AGAP1: variants seen among roughly 807,000 people sequenced by gnomAD.
AGAP1 encodes the protein arf-GAP with GTPase, ANK repeat and PH domain-containing protein 1.
A neutral mutation model predicts 105.3 loss-of-function variants in AGAP1; 29 were observed. The observed-to-expected ratio is 0.28, with a 90% CI of 0.21 to 0.38. The LOEUF is 0.38. Ranked by LOEUF, AGAP1 falls within the 10% of genes least tolerant of loss-of-function variation. The pLI, the probability that AGAP1 is intolerant of heterozygous loss-of-function variation, is 1.00. For missense variants in AGAP1, 998 were observed against 1,165.1 expected, an observed-to-expected ratio of 0.86 and a Z score of 2.09; for synonymous variants, 509 against 485.9, an observed-to-expected ratio of 1.05 and a Z score of -0.63.
intron 3 of AGAP1, among the ~76,000 whole-genome samples, chr2:235,718,638 A>C (rs1951234643): frequency 6.6e-6 from 1 of 152,176 alleles, no homozygotes; most frequent in Admixed American, 6.5e-5. Flanking sequence ...TCTTGTCCTG[A>C]ATACTGCGGA....
At chr2:235,862,482 A>G (rs866846566) in intron 9 of AGAP1, among the ~76,000 whole-genome samples, 1 of 152,220 alleles carries the variant, frequency 6.6e-6, no homozygotes, top group African/African-American at 2.4e-5. Flanking sequence ...CATCCGTAGC[A>G]GAGACTGCGT....
intron 1 of AGAP1, among the ~76,000 whole-genome samples, chr2:235,504,306 T>C (rs1228968317): frequency 6.6e-6 from 1 of 152,048 alleles, no homozygotes; most frequent in Non-Finnish European, 1.5e-5. Context: ...CATTTATTGG[T>C]CTCTTCTGCC....
intron 9 of AGAP1, among the ~76,000 whole-genome samples, chr2:235,811,458 G>A (rs1958135871): frequency 6.6e-6 from 1 of 152,368 alleles, no homozygotes; most frequent in African/African-American, 2.4e-5. Flanking sequence ...GAGACGTTGT[G>A]TTGTCTCCTG....
chr2:235,942,415 C>T (rs2053302626), intron 12 of AGAP1, among the ~76,000 whole-genome samples: 1 of 152,148 alleles, frequency 6.6e-6, no homozygotes, highest in African/African-American at 2.4e-5. Flanking sequence ...TGGTGGCTCA[C>T]ACCTGTAATC....
intron 1 of AGAP1, among the ~76,000 whole-genome samples, chr2:235,593,111 C>T (rs1027943507): frequency 9.2e-5 from 14 of 152,068 alleles, no homozygotes; most frequent in Non-Finnish European, 1.8e-4. Context: ...AGGTTGTGGG[C>T]CTGTAATCCT....
intron 12 of AGAP1, among the ~76,000 whole-genome samples, chr2:235,935,826 G>A (rs998610451): frequency 6.6e-6 from 1 of 152,156 alleles, no homozygotes; most frequent in Non-Finnish European, 1.5e-5. Context: ...ATCACTGTGG[G>A]TAGCAGGGGC....
At chr2:235,547,617 C>G (rs1943668805) in intron 1 of AGAP1, among the ~76,000 whole-genome samples, 2 of 152,190 alleles carry the variant, frequency 1.3e-5, no homozygotes, top group Admixed American at 6.5e-5. Flanking sequence ...CCTCGGCCTC[C>G]CAAAATACTG....
rs1950701341 is a variant in AGAP1 at position 235,709,205 on chromosome 2, A to G, written c.190A>G (p.Thr64Ala). Residue 64 changes from threonine to alanine, a missense_variant, in exon 2 of 18, where the codon ACG becomes GCG. This residue lies in a region of AGAP1 where 735 missense variants were observed against 833.4 expected (regional missense o/e 0.88). Transcript: ENST00000304032. Reference sequence around the variant, plus strand: ...TGCCTTCGTGAACAGCCAGGAATGGACGCTGAGTCGATCTGTCCCGGAGCT... The same window carrying G: ...TGCCTTCGTGAACAGCCAGGAATGGGCGCTGAGTCGATCTGTCCCGGAGCT... ...EDAFVNSQEW[T>A]LSRSVPELKV... 1 of 1,614,042 alleles carries G rather than the reference A, an allele frequency of 6.2e-7. No individual in the cohort carries two copies. Among genetic ancestry groups the G allele is most frequent in the Non-Finnish European group, 8.5e-7 (1 of 1,180,008 alleles).
chr2:236,069,248 T>C (rs997530933), intron 16 of AGAP1, among the ~76,000 whole-genome samples: 4 of 152,192 alleles, frequency 2.6e-5, no homozygotes, highest in African/African-American at 9.7e-5. Context: ...CATGATTTTG[T>C]CGTGTACACG....
chr2:235,757,162 A>G (rs983468852), intron 6 of AGAP1, among the ~76,000 whole-genome samples: 5 of 152,214 alleles, frequency 3.3e-5, no homozygotes, highest in Non-Finnish European at 5.9e-5. Flanking sequence ...GTCAAGATCC[A>G]TGTCAAAGAG....
chr2:235,717,821 A>C (rs1461627458), intron 3 of AGAP1, among the ~76,000 whole-genome samples, 177 bp downstream of exon 3: 1 of 152,238 alleles, frequency 6.6e-6, no homozygotes, highest in Non-Finnish European at 1.5e-5. Flanking sequence ...CAAACCCGTT[A>C]TATTCACTTT....
chr2:235,787,874 G>A lies in AGAP1; in HGVS notation c.674-9885G>A, dbSNP rs76670776. ...TGGGACCAAGAGCAAGATCAAGAGC[G>A]TTCTAGACCATGAGCATTCTGGGAC... On this transcript the variant is annotated intron_variant, in intron 6 of 17. Transcript: ENST00000304032. This position sits in a 1 kb window ranked among gnomAD's most constrained non-coding sequence, Gnocchi z 4.4. Among the ~76,000 whole-genome samples, 10 of 84,446 alleles carry A rather than the reference G, an allele frequency of 1.2e-4. No homozygotes were observed. Among genetic ancestry groups the A allele is most frequent in the African/African-American group, 1.5e-4 (4 of 26,620 alleles). 55.4% of individuals were successfully genotyped at this position (84,446 alleles called of 152,430 possible). A position where few individuals can be genotyped will look rare whatever the true frequency, so the allele number is the denominator to read the frequency against.
At chr2:236,081,166 A>G (rs922018578) in intron 16 of AGAP1, among the ~76,000 whole-genome samples, 5 of 152,182 alleles carry the variant, frequency 3.3e-5, no homozygotes, top group African/African-American at 1.2e-4. Flanking sequence ...CGTAGGGTGC[A>G]GACAGAGTTG....
intron 2 of AGAP1, among the ~76,000 whole-genome samples, chr2:235,710,886 T>C (rs915305416): frequency 6.6e-6 from 1 of 152,232 alleles, no homozygotes; most frequent in Non-Finnish European, 1.5e-5. Context: ...GCGCTGGCTC[T>C]GTGCGGGTCG....
At position 235,609,762 on chromosome 2, in the gene AGAP1, C is replaced by G. The variant is rs1388844763; in HGVS notation, c.164-99417C>G. On this transcript the variant is annotated intron_variant, in intron 1 of 17. Coordinates refer to ENST00000304032, the MANE Select transcript of AGAP1 (RefSeq NM_001037131.3). This position sits in a 1 kb window ranked among gnomAD's most constrained non-coding sequence, Gnocchi z 5.1. ...CTGTGGCTCAGAAGTTATGTGGCCA[C>G]TTTCACTCCCAACTCACAGGCCAGA... 6.6e-6 allele frequency among the ~76,000 whole-genome samples: 1 copy of G among 152,044 alleles called. No individual in the cohort carries two copies. The highest frequency in any genetic ancestry group is 1.5e-5 in the Non-Finnish European group (1 of 68,020).
Position 235,691,903 on chromosome 2 carries a change from C to A in AGAP1, c.164-17276C>A, listed in dbSNP as rs188538638. Reference sequence around the variant, plus strand: ...TAGAGGCAAGGCAGGGATGCAAAATCGGAGTTCCTAGTAGAAACAGACATG... The same window carrying A: ...TAGAGGCAAGGCAGGGATGCAAAATAGGAGTTCCTAGTAGAAACAGACATG... On this transcript the variant is annotated intron_variant, in intron 1 of 17. Coordinates refer to ENST00000304032, the MANE Select transcript of AGAP1 (RefSeq NM_001037131.3). The surrounding 1 kb of genome is among the most constrained non-coding windows in gnomAD (Gnocchi z 4.4). Among the ~76,000 whole-genome samples the A allele has an allele frequency of 2.6e-5, 4 of 152,160 alleles. No individual in the cohort carries two copies. Among genetic ancestry groups the A allele is most frequent in the Middle Eastern group, 3.2e-3 (1 of 316 alleles).
intron 6 of AGAP1, among the ~76,000 whole-genome samples, chr2:235,771,387 A>G (rs1955434847): frequency 6.6e-6 from 1 of 152,138 alleles, no homozygotes; most frequent in Admixed American, 6.5e-5. Flanking sequence ...CTCCCACCAC[A>G]CGTGGGCACA....
In AGAP1 at chr2:235,797,891, G is replaced by T. The variant is rs764149718; in HGVS notation, c.801+5G>T. The stretch of plus-strand genomic sequence containing the variant: ...TCTGCCGTGCACATCAGCCAGGTAC[G>T]TTAGGTGACATGAGAAGTCAGACTC... On this transcript the variant is annotated splice_donor_5th_base_variant and intron_variant, in intron 7 of 17. Coordinates refer to ENST00000304032, the MANE Select transcript of AGAP1 (RefSeq NM_001037131.3). 6.2e-7 allele frequency: 1 copy of T among 1,614,042 alleles called. No individual in the cohort carries two copies.
intron 6 of AGAP1, among the ~76,000 whole-genome samples, chr2:235,775,314 G>T (rs2149883520): frequency 6.6e-6 from 1 of 152,262 alleles, no homozygotes; most frequent in Admixed American, 6.5e-5. Context: ...TGTGTTTGGT[G>T]CCCTGATGAC....
Sources: gnomAD v4.1 joint callset for allele counts (sites outside exome capture counted in the v4.1 genomes callset) on GRCh38, gnomAD v4.1.1 for gene constraint, gnomAD v4.1.1 regional missense constraint, Gnocchi (gnomAD v3.1) non-coding constraint, MANE v1.5 for transcripts, NCBI Gene and HGNC (gene_info 2026-07-23, HGNC 2026-07-21) for gene names.